Variants in TFDP2 observed in about 807,000 individuals in gnomAD.
TFDP2 encodes the protein transcription factor Dp-2 (E2F dimerization partner 2).
Under a neutral mutation model 59.3 loss-of-function variants are expected in TFDP2, and 17 were observed. The observed-to-expected ratio is 0.29, with a 90% confidence interval of 0.20 to 0.43. The LOEUF is 0.43. Ranked by LOEUF, TFDP2 falls within the 20% of genes least tolerant of loss-of-function variation. The pLI, the probability that TFDP2 is intolerant of heterozygous loss-of-function variation, is 1.00. For synonymous variants in TFDP2, 180 were observed against 194.7 expected, an observed-to-expected ratio of 0.92 and a Z score of 0.63; for missense variants, 391 against 528.8, an observed-to-expected ratio of 0.74 and a Z score of 2.56.
At chr3:142,037,425 T>C (rs1036515145) in intron 3 of TFDP2, among the ~76,000 whole-genome samples, 2 of 152,170 alleles carry the variant, frequency 1.3e-5, no homozygotes, top group Admixed American at 6.5e-5. Context: ...TCTTTTATTA[T>C]AGATAAGGTG....
chr3:141,973,123 AT>A (rs761950988), intron 8 of TFDP2, among the ~76,000 whole-genome samples: 638 of 57,986 alleles, frequency 0.011, 6 homozygotes, highest in African/African-American at 0.025. Flanking sequence ...ATATATATAT[AT>A]TTTTTTTTTT....
chr3:142,096,612 C>T (rs1395933012), intron 2 of TFDP2, among the ~76,000 whole-genome samples: 2 of 152,094 alleles, frequency 1.3e-5, no homozygotes, highest in African/African-American at 4.8e-5. Context: ...TATTCCAATG[C>T]TGTGTTGTGT....
Position 141,968,766 on chromosome 3 carries a change from T to C in TFDP2, c.732+1307A>G, listed in dbSNP as rs1938862888. Among the ~76,000 whole-genome samples, 2 of 78,272 alleles carry C rather than the reference T, an allele frequency of 2.6e-5. 1 individual carries two copies. Among genetic ancestry groups the C allele is most frequent in the Non-Finnish European group, 4.8e-5 (2 of 41,650 alleles). 51.3% of individuals were successfully genotyped at this position (78,272 alleles called of 152,430 possible). On this transcript the variant is annotated intron_variant, in intron 9 of 12. Transcript: ENST00000489671. ...CTCATATATAGATATATATAACATATATATCTCATATATAGATATATATAA... is the reference window on the plus strand; with the variant it reads ...CTCATATATAGATATATATAACATACATATCTCATATATAGATATATATAA...
intron 6 of TFDP2, among the ~76,000 whole-genome samples, chr3:141,988,845 T>G (rs1942438666): frequency 6.6e-6 from 1 of 152,034 alleles, no homozygotes; most frequent in Admixed American, 6.5e-5. Flanking sequence ...GTATTCTTAG[T>G]AGAGACAGGG....
At chr3:142,083,142 G>A (rs2060697106) in intron 3 of TFDP2, among the ~76,000 whole-genome samples, 2 of 152,078 alleles carry the variant, frequency 1.3e-5, no homozygotes, top group South Asian at 4.1e-4. Flanking sequence ...AAAACTATTA[G>A]AATTGCTAAG....
intron 5 of TFDP2, chr3:141,994,753 TATA>T (rs571287796): frequency 3.8e-4 from 99 of 257,682 alleles, no homozygotes; most frequent in African/African-American, 2.0e-3. Context: ...AGTTAAATAT[TATA>T]ATAATAAAAG....
At chr3:142,065,299 C>A (rs973893554) in intron 3 of TFDP2, among the ~76,000 whole-genome samples, 4 of 151,862 alleles carry the variant, frequency 2.6e-5, no homozygotes, top group Non-Finnish European at 4.4e-5. Flanking sequence ...TGGGACTGCA[C>A]AGGCACAGGC....
At chr3:142,105,963 AG>A (rs59971687) in intron 1 of TFDP2, among the ~76,000 whole-genome samples, 113,716 of 151,914 alleles carry the variant, frequency 0.75, 42,585 homozygotes, top group South Asian at 0.81. Context: ...TCAATGTTAG[AG>A]GGGGGAAAAA....
At chr3:142,097,137 A>G (rs2061187031) in intron 2 of TFDP2, among the ~76,000 whole-genome samples, 1 of 152,208 alleles carries the variant, frequency 6.6e-6, no homozygotes, top group Admixed American at 6.5e-5. Flanking sequence ...ATTGGCAAAG[A>G]TTTATAAACA....
intron 3 of TFDP2, among the ~76,000 whole-genome samples, chr3:142,046,894 C>T (rs1947368356): frequency 6.6e-6 from 1 of 152,066 alleles, no homozygotes; most frequent in Admixed American, 6.5e-5. Flanking sequence ...TCAGGCTTCC[C>T]CATTGATTTT....
In TFDP2 at chr3:142,044,125, T is replaced by C. The variant is rs2080133322; in HGVS notation, c.83-38581A>G. ...GGCAATTTCACTGGTCTCATTCGGGTCCAACCAGACCTTCTTCTTGCCACA... is the reference window on the plus strand; with the variant it reads ...GGCAATTTCACTGGTCTCATTCGGGCCCAACCAGACCTTCTTCTTGCCACA... On this transcript the variant is annotated intron_variant, in intron 3 of 12. Transcript: ENST00000489671. 3 of 595,410 alleles carry C rather than the reference T, an allele frequency of 5.0e-6. No homozygotes were observed. The Admixed American group carries it at 6.5e-5, about 13-fold the overall frequency. 36.9% of individuals were successfully genotyped at this position (595,410 alleles called of 1,614,324 possible).
chr3:142,107,288 G>C (rs2061505888), intron 1 of TFDP2, among the ~76,000 whole-genome samples: 2 of 150,106 alleles, frequency 1.3e-5, no homozygotes, highest in African/African-American at 4.9e-5. Flanking sequence ...CTGGAGTGCA[G>C]TTGCTCAATC....
intron 2 of TFDP2, 29 bp downstream of exon 2, chr3:142,101,706 C>G (rs2061324289): frequency 2.2e-6 from 3 of 1,338,860 alleles, no homozygotes; most frequent in Non-Finnish European, 3.0e-6. Flanking sequence ...TTAAACAATA[C>G]TTACATTAAA....
chr3:141,979,880 C>T (rs922758520), intron 6 of TFDP2, among the ~76,000 whole-genome samples: 3 of 151,242 alleles, frequency 2.0e-5, no homozygotes, highest in Non-Finnish European at 4.4e-5. Flanking sequence ...TGAGCCACTG[C>T]GCCTGGCCCT....
At chr3:141,979,529 T>C (rs745745454) in intron 6 of TFDP2, among the ~76,000 whole-genome samples, 1 of 152,152 alleles carries the variant, frequency 6.6e-6, no homozygotes, top group African/African-American at 2.4e-5. Context: ...GGACAAAATG[T>C]GGAGGTGGAG....
intron 3 of TFDP2, among the ~76,000 whole-genome samples, chr3:142,049,326 CAATAT>C (rs1947497351): frequency 1.3e-5 from 2 of 152,162 alleles, no homozygotes; most frequent in African/African-American, 2.4e-5. Context: ...GAAAATCAAT[CAATAT>C]AATTCCCCAT....
intron 9 of TFDP2, among the ~76,000 whole-genome samples, chr3:141,965,629 G>T (rs1292355661): frequency 1.4e-5 from 2 of 140,672 alleles, no homozygotes; most frequent in African/African-American, 2.8e-5. Context: ...AAGGAAAAAA[G>T]AAAAGAAAAG....
At chr3:142,062,275 A>C (rs1178714280) in intron 3 of TFDP2, among the ~76,000 whole-genome samples, 2 of 151,924 alleles carry the variant, frequency 1.3e-5, no homozygotes, top group Non-Finnish European at 2.9e-5. Flanking sequence ...TTTGGCCAAC[A>C]GTGAGCTATC....
intron 11 of TFDP2, among the ~76,000 whole-genome samples, chr3:141,955,998 G>A (rs1936571306): frequency 1.3e-5 from 2 of 152,062 alleles, no homozygotes; most frequent in Admixed American, 1.3e-4. Flanking sequence ...AGTAGAGATG[G>A]GGTTTTGCCA....
Sources: gnomAD v4.1 joint callset for allele counts (sites outside exome capture counted in the v4.1 genomes callset) on GRCh38, gnomAD v4.1.1 for gene constraint, MANE v1.5 for transcripts, NCBI Gene and HGNC (gene_info 2026-07-23, HGNC 2026-07-21) for gene names.